CLCN5: variants seen among roughly 807,000 people sequenced by gnomAD.
CLCN5 encodes the protein Cl-/H+ antiporter 5.
A neutral mutation model predicts 54.0 loss-of-function variants in CLCN5; 17 were observed. The observed-to-expected ratio is 0.31, with a 90% CI of 0.22 to 0.47. The LOEUF is 0.47. Among genes scored for constraint, CLCN5 ranks in the 20% least tolerant of loss-of-function variants. The probability of loss-of-function intolerance (pLI) is 1.00; values close to 1 mark genes in which losing one functional copy is unlikely to be tolerated. For missense variants in CLCN5, 448 were observed against 646.7 expected (o/e 0.69, Z 3.33); for synonymous variants, 222 against 233.0 (o/e 0.95, Z 0.43).
At chrX:49,937,518 A>G (rs1926062626) in intron 3 of CLCN5, among the ~76,000 whole-genome samples, 1 of 112,262 alleles carries the variant, frequency 8.9e-6, no homozygotes, top group East Asian at 2.8e-4. Context: ...GATAAAACCA[A>G]GGGCCTCTAA....
At chrX:50,048,104 G>T (rs1473296099) in intron 4 of CLCN5, among the ~76,000 whole-genome samples, 1 of 112,237 alleles carries the variant, frequency 8.9e-6, no homozygotes, top group African/African-American at 3.2e-5. Context: ...GCGGTGGGGG[G>T]TGAGGATGGT....
intron 3 of CLCN5, among the ~76,000 whole-genome samples, chrX:49,987,172 C>T (rs1929026297): frequency 8.9e-6 from 1 of 112,488 alleles, no homozygotes; most frequent in Non-Finnish European, 1.9e-5. Flanking sequence ...TAGGTACTCC[C>T]ATCCCACCTT....
chrX:50,088,672 A>G, intron 11 of CLCN5, 26 bp from the exon 12 acceptor site: 1 of 1,192,334 alleles, frequency 8.4e-7, no homozygotes, highest in Non-Finnish European at 1.1e-6. Flanking sequence ...ATTTCTCACT[A>G]ACCATCTATT....
chrX:50,085,946 T>C (rs782256100), intron 9 of CLCN5, 34 bp from the exon 10 acceptor site: 1 of 1,083,161 alleles, frequency 9.2e-7, no homozygotes, highest in Non-Finnish European at 1.3e-6. Context: ...AAAGCAGCAT[T>C]ATTCTGTCAC....
At chrX:49,946,668 C>G (rs1355202976) in intron 3 of CLCN5, among the ~76,000 whole-genome samples, 2 of 110,811 alleles carry the variant, frequency 1.8e-5, no homozygotes, top group East Asian at 2.8e-4. Context: ...TGGTTAGAAC[C>G]TACTCACATG....
chrX:50,076,107 G>C (rs1210266941), intron 7 of CLCN5, 125 bp downstream of exon 7: 13 of 618,984 alleles, frequency 2.1e-5, no homozygotes, highest in Non-Finnish European at 3.4e-5. Flanking sequence ...AGGGGAACCA[G>C]TACCAGCTGC....
At chrX:50,058,300 A>G (rs73492011) in intron 4 of CLCN5, among the ~76,000 whole-genome samples, 1,784 of 111,232 alleles carry the variant, frequency 0.016, 33 homozygotes, top group African/African-American at 0.055. Context: ...ATTTCTTCCT[A>G]TTCTTTTTCC....
chrX:49,945,763 A>AT (rs1176175217), intron 3 of CLCN5, among the ~76,000 whole-genome samples: 13 of 97,874 alleles, frequency 1.3e-4, no homozygotes, highest in East Asian at 3.1e-4. Context: ...CGCCCTTTCA[A>AT]TTTTTTTTTT....
At chrX:50,046,794 G>T in intron 4 of CLCN5, among the ~76,000 whole-genome samples, 1 of 111,304 alleles carries the variant, frequency 9.0e-6, no homozygotes. Flanking sequence ...TTGTTTTTTT[G>T]TAATCTAGGC....
At chrX:50,014,623 T>A in intron 3 of CLCN5, 1 of 359,635 alleles carries the variant, frequency 2.8e-6, no homozygotes, top group East Asian at 8.4e-5. Flanking sequence ...ATCCTTGCTA[T>A]CTGGGTGCTA....
chrX:49,992,210 T>C (rs1374666681), intron 3 of CLCN5, among the ~76,000 whole-genome samples: 1 of 103,006 alleles, frequency 9.7e-6, no homozygotes, highest in Non-Finnish European at 2.0e-5. Flanking sequence ...CTTTTTTTCT[T>C]TTTTTTTTTT....
In CLCN5 at chrX:50,090,293, A is replaced by G; in HGVS notation, c.1922A>G (p.Glu641Gly). Residue 641 changes from glutamate (E) to glycine (G), a missense_variant, in exon 13 of 15, where the codon GAA (glutamate) becomes GGA (glycine). By Grantham distance (98) the Glu-to-Gly change is moderately conservative. Transcript: ENST00000376091. ...HIRLNGYPFL[E>G]AKEEFAHKTL... The stretch of plus-strand genomic sequence containing the variant: ...CGTCTCAATGGATACCCCTTTCTTG[A>G]AGCCAAAGAAGAGTTTGCTCATAAG... 8.3e-7 allele frequency: 1 copy of G among 1,211,304 alleles called. No individual in the cohort carries two copies. The highest frequency in any genetic ancestry group is 1.1e-6 in the Non-Finnish European group (1 of 895,176).
chrX:50,077,827 A>C (rs1321599133), intron 7 of CLCN5, among the ~76,000 whole-genome samples: 3 of 68,208 alleles, frequency 4.4e-5, no homozygotes, highest in East Asian at 3.5e-4. Flanking sequence ...AAAAAAAAAA[A>C]AAAAAAAAAA....
chrX:50,056,348 T>A (rs1932748885), intron 4 of CLCN5, among the ~76,000 whole-genome samples: 1 of 111,399 alleles, frequency 9.0e-6, no homozygotes, highest in South Asian at 3.8e-4. Flanking sequence ...ATATGCATTT[T>A]AGGGCAGTGT....
chrX:50,026,297 G>A (rs1390352810), intron 3 of CLCN5, among the ~76,000 whole-genome samples: 1 of 111,455 alleles, frequency 9.0e-6, no homozygotes, highest in Non-Finnish European at 1.9e-5. Context: ...AATGTTTTCT[G>A]TCTTAGTGAA....
intron 4 of CLCN5, 102 bp downstream of exon 4, chrX:50,042,564 A>C (rs900614866): frequency 2.5e-4 from 126 of 512,183 alleles, no homozygotes; most frequent in Middle Eastern, 6.7e-4. Context: ...CAGTCCTGTG[A>C]GTTTTTAACA....
At chrX:50,028,372 T>C (rs781850008) in intron 3 of CLCN5, among the ~76,000 whole-genome samples, 24 of 112,086 alleles carry the variant, frequency 2.1e-4, no homozygotes, top group African/African-American at 7.8e-4. Flanking sequence ...AACAAGAATG[T>C]TTTAGGACTC....
chrX:50,067,590 T>C, intron 4 of CLCN5: 1 of 754,058 alleles, frequency 1.3e-6, no homozygotes, highest in South Asian at 6.7e-5. Context: ...ACACTGGTAG[T>C]TCTTTAGGTG....
At chrX:49,925,028 C>T (rs180706714) in intron 2 of CLCN5, 143 bp from the exon 3 acceptor site, 23 of 405,744 alleles carry the variant, frequency 5.7e-5, no homozygotes, top group East Asian at 3.3e-4. Flanking sequence ...TTCAGAGATA[C>T]CTTGCTGCTT....
Sources: allele counts gnomAD v4.1 joint callset (sites outside exome capture counted in the v4.1 genomes callset), GRCh38; gene constraint gnomAD v4.1.1; transcripts MANE v1.5; gene names NCBI Gene and HGNC (gene_info 2026-07-23, HGNC 2026-07-21).